ITGA9: variants seen among roughly 807,000 people sequenced by gnomAD.
The protein encoded by ITGA9 is integrin alpha-9.
Under a neutral mutation model 127.8 loss-of-function variants are expected in ITGA9, and 56 were observed. The observed-to-expected ratio is 0.44, with a 90% CI of 0.35 to 0.55. The LOEUF is 0.55. ITGA9 is among the 20% of genes least tolerant of loss of function. The pLI is 0.00. For missense variants in ITGA9, 1,196 were observed against 1,347.1 expected (o/e 0.89, Z 1.76); for synonymous variants, 508 against 514.5 (o/e 0.99, Z 0.17).
intron 23 of ITGA9, among the ~76,000 whole-genome samples, chr3:37,774,723 AAAAAC>A (rs1256719438): frequency 1.4e-5 from 2 of 147,862 alleles, no homozygotes; most frequent in African/African-American, 4.9e-5. Flanking sequence ...TCTCCAAAAA[AAAAAC>A]AAAAAACAAA....
chr3:37,653,495 A>C (rs1700447851), intron 16 of ITGA9, among the ~76,000 whole-genome samples: 1 of 152,146 alleles, frequency 6.6e-6, no homozygotes, highest in African/African-American at 2.4e-5. Context: ...TCAAATAAGT[A>C]ATGCACTGAC....
intron 23 of ITGA9, among the ~76,000 whole-genome samples, chr3:37,757,153 G>A (rs941309393): frequency 6.6e-6 from 1 of 151,396 alleles, no homozygotes; most frequent in Non-Finnish European, 1.5e-5. Flanking sequence ...TAAAATGAAG[G>A]TATTATTAAA....
chr3:37,482,462 C>G (rs1173640794), intron 4 of ITGA9, among the ~76,000 whole-genome samples: 1 of 152,206 alleles, frequency 6.6e-6, no homozygotes, highest in Non-Finnish European at 1.5e-5. Context: ...CTCGTAGTTT[C>G]AAGTTTTCTC....
chr3:37,655,606 T>A (rs2125648503), intron 17 of ITGA9, among the ~76,000 whole-genome samples: 1 of 152,346 alleles, frequency 6.6e-6, no homozygotes, highest in Admixed American at 6.5e-5. Context: ...CTTTGTCAGA[T>A]GGATAGATTG....
intron 18 of ITGA9, among the ~76,000 whole-genome samples, chr3:37,705,127 C>T (rs986991597): frequency 5.3e-5 from 8 of 152,144 alleles, no homozygotes; most frequent in Admixed American, 4.6e-4. Context: ...AGTGGGATCA[C>T]GATGGCATTC....
intron 15 of ITGA9, among the ~76,000 whole-genome samples, chr3:37,546,654 T>C (rs963722683): frequency 6.6e-6 from 1 of 152,220 alleles, no homozygotes; most frequent in Non-Finnish European, 1.5e-5. Flanking sequence ...GCTTTGGGGA[T>C]ACTTGTCAGG....
At chr3:37,673,240 A>C (rs146027617) in intron 17 of ITGA9, among the ~76,000 whole-genome samples, 66 of 152,332 alleles carry the variant, frequency 4.3e-4, no homozygotes, top group African/African-American at 1.6e-3. Flanking sequence ...CAGAGTTCTC[A>C]CACATGACAG....
intron 7 of ITGA9, 79 bp from the exon 8 acceptor site, chr3:37,508,480 G>T: frequency 8.6e-7 from 1 of 1,161,046 alleles, no homozygotes. Flanking sequence ...CTTTTAAATA[G>T]GACTCCCAGG....
chr3:37,628,443 A>G (rs971649401), intron 15 of ITGA9, among the ~76,000 whole-genome samples: 2 of 152,182 alleles, frequency 1.3e-5, no homozygotes, highest in South Asian at 2.1e-4. Context: ...TTTACCAGCC[A>G]TGTGCCCTGG....
chr3:37,762,672 CTGTCTGCTGGCCCAGCAGCA>C (rs1559591254), intron 23 of ITGA9, among the ~76,000 whole-genome samples: 1 of 152,238 alleles, frequency 6.6e-6, no homozygotes, highest in African/African-American at 2.4e-5. Context: ...AAGGCCACTT[CTGTCTGCTGGCCCAGCAGCA>C]GCCATTTCAA....
chr3:37,508,885 T>G (rs1698872610), intron 8 of ITGA9, among the ~76,000 whole-genome samples: 1 of 152,144 alleles, frequency 6.6e-6, no homozygotes, highest in Non-Finnish European at 1.5e-5. Flanking sequence ...TTTTAAGAGA[T>G]TGTCCGTAGT....
At chr3:37,498,991 C>T (rs116692768) in intron 5 of ITGA9, among the ~76,000 whole-genome samples, 3 of 152,210 alleles carry the variant, frequency 2.0e-5, no homozygotes, top group Non-Finnish European at 4.4e-5. Context: ...GGACATGGAT[C>T]TGTGGCCTTC....
chr3:37,520,547 G>A (rs1299161876), intron 11 of ITGA9, among the ~76,000 whole-genome samples: 1 of 152,210 alleles, frequency 6.6e-6, no homozygotes, highest in African/African-American at 2.4e-5. Context: ...GGAACGCTCG[G>A]AAACTCAGTA....
intron 18 of ITGA9, among the ~76,000 whole-genome samples, chr3:37,689,233 T>G (rs567192118): frequency 6.6e-6 from 1 of 152,264 alleles, no homozygotes; most frequent in African/African-American, 2.4e-5. Context: ...TTTTTCTGTC[T>G]TCTAATGCAA....
At chr3:37,800,809 T>G (rs528220644) in intron 26 of ITGA9, among the ~76,000 whole-genome samples, 1 of 152,204 alleles carries the variant, frequency 6.6e-6, no homozygotes, top group Non-Finnish European at 1.5e-5. Context: ...AGAGGAATAC[T>G]GTACAGCAGT....
At chr3:37,707,671 G>GAGCACATGATCTC (rs1701022088) in intron 18 of ITGA9, among the ~76,000 whole-genome samples, 4 of 152,174 alleles carry the variant, frequency 2.6e-5, no homozygotes, top group Admixed American at 2.6e-4. Flanking sequence ...AGATGAACTT[G>GAGCACATGATCTC]AGCACATGAT....
Position 37,493,197 on chromosome 3 carries a change from G to A in ITGA9, c.545-1304G>A, listed in dbSNP as rs114589412. Among the ~76,000 whole-genome samples, 719 of 152,330 alleles carry A rather than the reference G, an allele frequency of 4.7e-3. 6 individuals carry two copies. Among genetic ancestry groups the A allele is most frequent in the Non-Finnish European group, 8.6e-3 (583 of 68,026 alleles). On this transcript the variant is annotated intron_variant, in intron 4 of 27. Transcript: ENST00000264741. Reference sequence around the variant, plus strand: ...CTAGGCTCTGTGGTGAGTGTTGTTAGAAACTGAATTACTCTGTATATTTCC... The same window carrying A: ...CTAGGCTCTGTGGTGAGTGTTGTTAAAAACTGAATTACTCTGTATATTTCC...
intron 23 of ITGA9, among the ~76,000 whole-genome samples, chr3:37,756,933 A>AG: frequency 6.6e-6 from 1 of 152,180 alleles, no homozygotes; most frequent in Admixed American, 6.5e-5. Flanking sequence ...TAGAAAAAAA[A>AG]GAAATCAAAG....
intron 15 of ITGA9, among the ~76,000 whole-genome samples, chr3:37,565,605 A>G (rs1677733375): frequency 6.6e-6 from 1 of 152,204 alleles, no homozygotes; most frequent in Admixed American, 6.5e-5. Flanking sequence ...AAGGTTCTGG[A>G]GGTGGATGGT....
Sources: allele counts gnomAD v4.1 joint callset (sites outside exome capture counted in the v4.1 genomes callset), GRCh38; gene constraint gnomAD v4.1.1; transcripts MANE v1.5; gene names NCBI Gene and HGNC (gene_info 2026-07-23, HGNC 2026-07-21).